Variants in HERC2 observed in about 807,000 individuals in gnomAD.
The protein encoded by HERC2 is HECT and RLD domain containing E3 ubiquitin protein ligase 2, also known as E3 ubiquitin-protein ligase HERC2.
HERC2 carries 102 observed loss-of-function variants against 537.7 expected under a neutral mutation model. That is an observed-to-expected ratio of 0.19 (90% CI 0.16 to 0.22). The LOEUF (loss-of-function observed/expected upper bound fraction) is 0.22. Among genes scored for constraint, HERC2 ranks in the 10% least tolerant of loss-of-function variants. The pLI, the probability that HERC2 is intolerant of heterozygous loss-of-function variation, is 1.00. For missense variants in HERC2, 4,236 were observed against 6,198.2 expected (o/e 0.68, Z 10.63); for synonymous variants, 2,224 against 2,466.2 (o/e 0.90, Z 2.91).
chr15:28,275,775 T>TC (rs537164262), intron 5 of HERC2, among the ~76,000 whole-genome samples: 242 of 151,150 alleles, frequency 1.6e-3, no homozygotes, highest in Admixed American at 3.0e-3. Context: ...AGAGCAAGAC[T>TC]CCATCTCAAA....
In HERC2 at chr15:28,299,531, C is replaced by T. The variant is rs372058356; in HGVS notation, c.73-15G>A. ...GTGAATGCAAGCTGGCAATGATAAA[C>T]GAGATAAGCTTACAGAGTGCTCACA... On this transcript the variant is annotated splice_polypyrimidine_tract_variant and intron_variant, in intron 2 of 92. Coordinates refer to ENST00000261609, the MANE Select transcript of HERC2 (RefSeq NM_004667.6). 59 of 1,308,922 alleles carry T rather than the reference C, an allele frequency of 4.5e-5. No homozygotes were observed. Among genetic ancestry groups the T allele is most frequent in the Admixed American group, 1.4e-4 (8 of 57,244 alleles). 81.1% of individuals were successfully genotyped at this position (1,308,922 alleles called of 1,614,324 possible). A position where few individuals can be genotyped will look rare whatever the true frequency, so the allele number is the denominator to read the frequency against.
At chr15:28,273,814 G>A (rs1156868529) in intron 7 of HERC2, among the ~76,000 whole-genome samples, 1 of 152,076 alleles carries the variant, frequency 6.6e-6, no homozygotes, top group Admixed American at 6.5e-5. Context: ...TAGCACCCAA[G>A]ACCAGAGTTC....
chr15:28,132,682 C>G lies in HERC2; in HGVS notation c.12379G>C (p.Asp4127His). The change falls in exon 80 of 93, where the codon GAC (aspartate) becomes CAC (histidine). Residue 4127 changes from aspartate (D) to histidine (H), a missense_variant. Asp to His is a moderately conservative substitution (Grantham distance 81). Coordinates refer to ENST00000261609, the MANE Select transcript of HERC2 (RefSeq NM_004667.6). Reference protein sequence around the residue: ...KGRYGRLGHSDSEDQLKPKLV... With the variant: ...KGRYGRLGHSHSEDQLKPKLV... ...TTCGGCTTCAGCTGGTCCTCACTGT[C>G]GCTGTGCCCCAGCCGGCCGTAGCGG... 1 of 1,577,546 alleles carries G rather than the reference C, an allele frequency of 6.3e-7. No individual in the cohort carries two copies.
At chr15:28,307,696 CAGAGA>C (rs1296331796) in intron 2 of HERC2, among the ~76,000 whole-genome samples, 1 of 152,184 alleles carries the variant, frequency 6.6e-6, no homozygotes, top group African/African-American at 2.4e-5. Flanking sequence ...TCCATGTGAT[CAGAGA>C]AGATACTTAA....
chr15:28,189,914 A>C (rs1054410360), intron 55 of HERC2, among the ~76,000 whole-genome samples: 5 of 152,178 alleles, frequency 3.3e-5, no homozygotes, highest in African/African-American at 1.2e-4. Context: ...TGAATACAAA[A>C]ATCAACTATT....
intron 39 of HERC2, among the ~76,000 whole-genome samples, chr15:28,215,154 G>T (rs1899755244): frequency 1.3e-5 from 2 of 152,134 alleles, no homozygotes; most frequent in South Asian, 4.1e-4. Context: ...TGGGATTACA[G>T]GCATGAGCCA....
rs980692435 is a variant in HERC2 at position 28,111,942 on chromosome 15, C to G, written c.14326G>C (p.Val4776Leu). Residue 4776 changes from valine to leucine, a missense_variant, in exon 93 of 93, where the codon GTG (valine) becomes CTG (leucine). Physicochemically the swap from Val to Leu is conservative, Grantham distance 32. Around this residue, in one of 27 missense-constraint regions of HERC2, gnomAD observed 313 missense variants for 462.6 expected, o/e 0.68. Coordinates refer to ENST00000261609, the MANE Select transcript of HERC2 (RefSeq NM_004667.6). ...LKLPRYSCKQVLEEKLKYAIH... is the reference protein window; with the variant it reads ...LKLPRYSCKQLLEEKLKYAIH... ...GCGTACTTGAGCTTCTCCTCCAGCA[C>G]CTGCTTGCAGGAATACCTGGGCAGC... 6.2e-7 allele frequency: 1 copy of G among 1,614,142 alleles called. No homozygotes were observed. The highest frequency in any genetic ancestry group is 8.5e-7 in the Non-Finnish European group (1 of 1,180,036).
rs1892580366 is a variant in HERC2 at position 28,152,702 on chromosome 15, G to A, written c.10875C>T (p.Ser3625=). The change falls in exon 70 of 93, where the codon TCC becomes TCT. Residue 3625 remains serine (S), a synonymous_variant. Coordinates refer to ENST00000261609, the MANE Select transcript of HERC2 (RefSeq NM_004667.6). ...CTGGTATCTTCACTGTGCCACTGGT[G>A]GAGGTGTCGTCGGTGTAAGGGTGGC... ...ESSHPYTDDT[S]TSGTVKIPGA... 3 of 1,550,898 alleles carry A rather than the reference G, an allele frequency of 1.9e-6. No homozygotes were observed. Among genetic ancestry groups the A allele is most frequent in the Non-Finnish European group, 2.6e-6 (3 of 1,146,948 alleles).
At chr15:28,120,175 TAAAC>T (rs1487257757) in intron 86 of HERC2, among the ~76,000 whole-genome samples, 2 of 152,230 alleles carry the variant, frequency 1.3e-5, no homozygotes, top group African/African-American at 2.4e-5. Context: ...TGAACCTAGT[TAAAC>T]AACCTATTTA....
chr15:28,141,493 A>G lies in HERC2; in HGVS notation c.11954T>C (p.Leu3985Pro). The G allele has an allele frequency of 6.2e-7, 1 of 1,614,138 alleles. No homozygotes were observed. The change falls in exon 78 of 93, where the codon CTC (leucine) becomes CCC (proline). Residue 3985 changes from leucine to proline, a missense_variant. Physicochemically the swap from Leu to Pro is moderately conservative, Grantham distance 98. Coordinates refer to ENST00000261609, the MANE Select transcript of HERC2 (RefSeq NM_004667.6). Reference sequence around the variant, plus strand: ...CCCTCCGATTAACTGCACGGGTCTGAGAGTTGCAAGGGCTTCACAGGGAGT... The same window carrying G: ...CCCTCCGATTAACTGCACGGGTCTGGGAGTTGCAAGGGCTTCACAGGGAGT... ...VPTPCEALAT[L>P]RPVQLIGGEQ...
chr15:28,310,274 C>A (rs1368449900), intron 2 of HERC2, among the ~76,000 whole-genome samples: 1 of 152,152 alleles, frequency 6.6e-6, no homozygotes, highest in East Asian at 1.9e-4. Context: ...GGCAAAACCA[C>A]ATTTCTACCA....
chr15:28,314,644 C>T (rs141541560), intron 2 of HERC2, among the ~76,000 whole-genome samples: 10 of 151,814 alleles, frequency 6.6e-5, no homozygotes, highest in Non-Finnish European at 5.9e-5. Flanking sequence ...ATCATGAGGT[C>T]AGGAGTTCAA....
At chr15:28,235,246 CCT>C (rs769783613) in intron 26 of HERC2, among the ~76,000 whole-genome samples, 4 of 152,126 alleles carry the variant, frequency 2.6e-5, no homozygotes, top group Non-Finnish European at 5.9e-5. Flanking sequence ...TCTCTGGCCC[CCT>C]CTCTTTAAGC....
chr15:28,212,688 A>G, intron 42 of HERC2, 105 bp from the exon 43 acceptor site: 1 of 1,187,752 alleles, frequency 8.4e-7, no homozygotes, highest in Non-Finnish European at 1.2e-6. Context: ...TGCCACACAT[A>G]CCCGTAAGCC....
At chr15:28,276,534 A>C (rs1338542664) in intron 5 of HERC2, among the ~76,000 whole-genome samples, 1 of 152,178 alleles carries the variant, frequency 6.6e-6, no homozygotes, top group Non-Finnish European at 1.5e-5. Flanking sequence ...CAGGAGTTTG[A>C]GACCAGCTTG....
chr15:28,150,079 C>T (rs189102617), intron 70 of HERC2, among the ~76,000 whole-genome samples: 254 of 151,800 alleles, frequency 1.7e-3, no homozygotes, highest in African/African-American at 5.8e-3. Flanking sequence ...GCCACACAAA[C>T]GCACATTCTA....
intron 72 of HERC2, 83 bp downstream of exon 72, chr15:28,144,590 G>A (rs1891549295): frequency 1.9e-6 from 3 of 1,576,390 alleles, no homozygotes; most frequent in Non-Finnish European, 2.6e-6. Flanking sequence ...GGCACTACGT[G>A]GACATGTGCA....
In HERC2 at chr15:28,219,248, G is replaced by A. The variant is rs777244190; in HGVS notation, c.5846-577C>T. Among the ~76,000 whole-genome samples, 225 of 152,360 alleles carry A rather than the reference G, an allele frequency of 1.5e-3. 6 individuals carry two copies. Among genetic ancestry groups the A allele is most frequent in the Non-Finnish European group, 7.5e-4 (51 of 68,036 alleles). ...CGGCATCTGTGGAGTGGGGCGACCA[G>A]ACGCTCATGCAGCCCGCTTGGCTGG... is the stretch of plus-strand genomic sequence containing the variant. On this transcript the variant is annotated intron_variant, in intron 37 of 92. Transcript: ENST00000261609.
intron 8 of HERC2, 151 bp from the exon 9 acceptor site, chr15:28,272,537 T>C: frequency 1.3e-6 from 1 of 745,736 alleles, no homozygotes; most frequent in East Asian, 2.7e-5. Flanking sequence ...ATTAAATCAC[T>C]GAATTGACAC....
Sources: gnomAD v4.1 joint callset for allele counts (sites outside exome capture counted in the v4.1 genomes callset) on GRCh38, gnomAD v4.1.1 for gene constraint, gnomAD v4.1.1 regional missense constraint, MANE v1.5 for transcripts, NCBI Gene and HGNC (gene_info 2026-07-23, HGNC 2026-07-21) for gene names.